ANTXR1: variants seen among roughly 807,000 people sequenced by gnomAD.
ANTXR1 encodes the protein anthrax toxin receptor 1.
ANTXR1 carries 19 observed loss-of-function variants against 78.1 expected under a neutral mutation model. The ratio of observed to expected loss-of-function variants is 0.24; its 90% CI spans 0.17 to 0.36. The LOEUF is 0.36. Among genes scored for constraint, ANTXR1 ranks in the 10% least tolerant of loss-of-function variants. The pLI is 1.00. For missense variants in ANTXR1, 518 were observed against 718.6 expected, an observed-to-expected ratio of 0.72 and a Z score of 3.19; for synonymous variants, 273 against 260.5, an observed-to-expected ratio of 1.05 and a Z score of -0.46.
At chr2:69,029,119 C>A (rs907341216) in intron 1 of ANTXR1, among the ~76,000 whole-genome samples, 1 of 151,588 alleles carries the variant, frequency 6.6e-6, no homozygotes, top group African/African-American at 2.4e-5. Flanking sequence ...GTCCCAGCTA[C>A]TCAGGAGGCC....
chr2:69,146,279 CA>C, intron 12 of ANTXR1: 1 of 985,426 alleles, frequency 1.0e-6, no homozygotes, highest in Admixed American at 6.1e-5. Context: ...GAAGTGCTTC[CA>C]GCTCCAGTTG....
At chr2:69,070,585 T>A in intron 3 of ANTXR1, 62 bp from the exon 4 acceptor site, 4 of 1,487,094 alleles carry the variant, frequency 2.7e-6, no homozygotes, top group East Asian at 2.3e-5. Context: ...CTAGTACTTA[T>A]GACTACAACA....
In ANTXR1 at chr2:69,218,081, G is replaced by T. The variant is rs553684362; in HGVS notation, c.1434+24666G>T. ...TATCATCTCCTTGAGCAACTGTTAA[G>T]GAGGCAGAGAGGAGCCGGGTGGAAG... is the stretch of plus-strand genomic sequence containing the variant. On this transcript the variant is annotated intron_variant, in intron 17 of 17. Transcript: ENST00000303714. Among the ~76,000 whole-genome samples the T allele has an allele frequency of 7.2e-5, 11 of 152,298 alleles. No individual in the cohort carries two copies. The South Asian group carries it at 2.3e-3, about 32-fold the overall frequency.
chr2:69,061,943 A>G (rs954750848), intron 3 of ANTXR1, among the ~76,000 whole-genome samples: 1 of 152,168 alleles, frequency 6.6e-6, no homozygotes, highest in Non-Finnish European at 1.5e-5. Context: ...CAACCAGAAA[A>G]GCCCAGACAA....
At chr2:69,131,214 A>C (rs1249367383) in intron 12 of ANTXR1, among the ~76,000 whole-genome samples, 1 of 152,176 alleles carries the variant, frequency 6.6e-6, no homozygotes, top group African/African-American at 2.4e-5. Flanking sequence ...TGCCTAAAAA[A>C]ATAATTTTAG....
intron 13 of ANTXR1, among the ~76,000 whole-genome samples, chr2:69,152,985 A>G (rs77422091): frequency 0.012 from 1,854 of 152,322 alleles, 40 homozygotes; most frequent in African/African-American, 0.042. Context: ...CCTGGCCCTT[A>G]GACTGGGAGA....
intron 17 of ANTXR1, among the ~76,000 whole-genome samples, chr2:69,222,443 C>T (rs1675342078): frequency 6.6e-6 from 1 of 152,184 alleles, no homozygotes; most frequent in African/African-American, 2.4e-5. Flanking sequence ...AGTGACAGAA[C>T]TATCATTGTC....
At chr2:69,186,530 G>A (rs999980493) in intron 16 of ANTXR1, among the ~76,000 whole-genome samples, 4 of 152,210 alleles carry the variant, frequency 2.6e-5, no homozygotes, top group Admixed American at 6.5e-5. Flanking sequence ...TGAACTAACA[G>A]AGATGTGGGC....
chr2:69,036,790 A>G (rs1669442146), intron 1 of ANTXR1, among the ~76,000 whole-genome samples: 1 of 152,174 alleles, frequency 6.6e-6, no homozygotes, highest in African/African-American at 2.4e-5. Context: ...GTCATGTGGC[A>G]TATCTTCTGA....
Position 69,075,671 on chromosome 2 carries a change from A to G in ANTXR1, c.561+13A>G, listed in dbSNP as rs201843649. The G allele has an allele frequency of 7.4e-6, 12 of 1,613,122 alleles. No individual in the cohort carries two copies. The highest frequency in any genetic ancestry group is 1.0e-5 in the Non-Finnish European group (12 of 1,179,224). On this transcript the variant is annotated intron_variant, in intron 7 of 17. Transcript: ENST00000303714. ...CAATGAGACACAGGTATGGTAATGGATTTCCTCAGGTTTGGAGCATACTGA... is the reference window on the plus strand; with the variant it reads ...CAATGAGACACAGGTATGGTAATGGGTTTCCTCAGGTTTGGAGCATACTGA...
At chr2:69,183,586 T>TG (rs1558629098) in intron 16 of ANTXR1, among the ~76,000 whole-genome samples, 13 of 140,288 alleles carry the variant, frequency 9.3e-5, no homozygotes, top group African/African-American at 3.7e-4. Flanking sequence ...TTTTTTTTTT[T>TG]TTTTTTTTTT....
chr2:69,116,149 C>T (rs888153547), intron 10 of ANTXR1, among the ~76,000 whole-genome samples: 15 of 152,202 alleles, frequency 9.9e-5, no homozygotes, highest in Admixed American at 3.9e-4. Context: ...TTATCTCACT[C>T]ATCTCTGAAA....
intron 1 of ANTXR1, among the ~76,000 whole-genome samples, chr2:69,020,222 TTTA>T (rs1233391311): frequency 6.6e-6 from 1 of 152,168 alleles, no homozygotes; most frequent in African/African-American, 2.4e-5. Context: ...AGGAATTTCT[TTTA>T]TTATTATTAT....
intron 17 of ANTXR1, among the ~76,000 whole-genome samples, chr2:69,232,936 G>T (rs1390441113): frequency 6.6e-6 from 1 of 152,034 alleles, no homozygotes; most frequent in East Asian, 1.9e-4. Context: ...AAGACAAAAG[G>T]ACTATCACAA....
chr2:69,223,759 T>G (rs987953623), intron 17 of ANTXR1, among the ~76,000 whole-genome samples: 4 of 152,182 alleles, frequency 2.6e-5, no homozygotes, highest in African/African-American at 9.7e-5. Flanking sequence ...CAAACTGAGG[T>G]GTTAAGAGAA....
At chr2:69,218,024 TAACC>T (rs1675221710) in intron 17 of ANTXR1, among the ~76,000 whole-genome samples, 1 of 152,170 alleles carries the variant, frequency 6.6e-6, no homozygotes, top group African/African-American at 2.4e-5. Context: ...GGGTGTCTTC[TAACC>T]CCCAGAGATC....
At position 69,111,754 on chromosome 2, in the gene ANTXR1, A is replaced by G. The variant is rs1290778315; in HGVS notation, c.802+8814A>G. On this transcript the variant is annotated intron_variant, in intron 10 of 17. Coordinates refer to ENST00000303714, the MANE Select transcript of ANTXR1 (RefSeq NM_032208.3). ...GGGGGCTCAACTTCCTAGGGGGAAGAGAGACAACACTCATTCGAACGTAGA... is the reference window on the plus strand; with the variant it reads ...GGGGGCTCAACTTCCTAGGGGGAAGGGAGACAACACTCATTCGAACGTAGA... Among the ~76,000 whole-genome samples the G allele has an allele frequency of 3.3e-5, 5 of 152,218 alleles. No homozygotes were observed. In the East Asian group the frequency reaches 9.6e-4, roughly 29 times the overall value.
chr2:69,194,709 T>A (rs1490384623), intron 17 of ANTXR1, among the ~76,000 whole-genome samples: 1 of 151,990 alleles, frequency 6.6e-6, no homozygotes, highest in African/African-American at 2.4e-5. Context: ...AAAAATTAGC[T>A]AGGTATGGTG....
At position 69,013,492 on chromosome 2, in the gene ANTXR1, T is replaced by G; in HGVS notation, c.-8T>G. 1 of 1,588,016 alleles carries G rather than the reference T, an allele frequency of 6.3e-7. No individual in the cohort carries two copies. Among genetic ancestry groups the G allele is most frequent in the Non-Finnish European group, 8.6e-7 (1 of 1,169,568 alleles). ...GGAGCGGACCCTGCTCTCCCCGGGCTGCGGGCCATGGCCACGGCGGAGCGG... is the reference window on the plus strand; with the variant it reads ...GGAGCGGACCCTGCTCTCCCCGGGCGGCGGGCCATGGCCACGGCGGAGCGG... On this transcript the variant is annotated 5_prime_UTR_variant, in exon 1 of 18. Coordinates refer to ENST00000303714, the MANE Select transcript of ANTXR1 (RefSeq NM_032208.3). The surrounding 1 kb of genome is among the most constrained non-coding windows in gnomAD (Gnocchi z 5.0).
Sources: allele counts gnomAD v4.1 joint callset (sites outside exome capture counted in the v4.1 genomes callset), GRCh38; gene constraint gnomAD v4.1.1; non-coding constraint Gnocchi (gnomAD v3.1); transcripts MANE v1.5; gene names NCBI Gene and HGNC (gene_info 2026-07-23, HGNC 2026-07-21).